TBC1D30: variants seen among roughly 807,000 people sequenced by gnomAD.
TBC1D30 encodes the protein TBC1 domain family member 30, also known as TBC1 domain family, member 30.
TBC1D30 carries 31 observed loss-of-function variants against 63.2 expected under a neutral mutation model. The observed-to-expected ratio is 0.49, with a 90% CI of 0.37 to 0.66. The LOEUF is 0.66. Ranked by LOEUF, TBC1D30 falls within the 30% of genes least tolerant of loss-of-function variation. The probability of loss-of-function intolerance (pLI) is 0.00; values close to 1 mark genes in which losing one functional copy is unlikely to be tolerated. For synonymous variants in TBC1D30, 307 were observed against 361.5 expected (o/e 0.85, Z 1.71); for missense variants, 810 against 953.6 (o/e 0.85, Z 1.98).
At chr12:64,805,205 G>C (rs1244433481) in intron 2 of TBC1D30, among the ~76,000 whole-genome samples, 1 of 151,986 alleles carries the variant, frequency 6.6e-6, no homozygotes, top group Non-Finnish European at 1.5e-5. Context: ...CCTTCATTCA[G>C]AAGACTTTAA....
rs552416081 is a variant in TBC1D30 at position 64,797,028 on chromosome 12, C to CAA, written c.643+11007_643+11008dup. Among the ~76,000 whole-genome samples the CAA allele has an allele frequency of 3.3e-3, 250 of 75,086 alleles. 5 individuals carry two copies. The highest frequency in any genetic ancestry group is 0.012 in the Middle Eastern group (1 of 86). 49.3% of individuals were successfully genotyped at this position (75,086 alleles called of 152,430 possible). ...TATCTTCAAGTATCATTCTCCTCTG[C>CAA]AAAAAAAAAAAAAAAAAAAAAAAAA... On this transcript the variant is annotated intron_variant, in intron 2 of 12. Transcript: ENST00000542120.
At chr12:64,792,949 C>G in intron 2 of TBC1D30, among the ~76,000 whole-genome samples, 1 of 152,094 alleles carries the variant, frequency 6.6e-6, no homozygotes, top group South Asian at 2.1e-4. Flanking sequence ...CTCAGCAAGG[C>G]CTTTCCATGC....
In TBC1D30 at chr12:64,871,880, C is replaced by G. The variant is rs753010709; in HGVS notation, c.1498+1072C>G. Among the ~76,000 whole-genome samples, 42 of 152,296 alleles carry G rather than the reference C, an allele frequency of 2.8e-4. 1 individual carries two copies. The highest frequency in any genetic ancestry group is 2.6e-4 in the Admixed American group (4 of 15,310). On this transcript the variant is annotated intron_variant, in intron 11 of 11. Transcript: ENST00000539867. Reference sequence around the variant, plus strand: ...GATTCTTTGTACAGTCCCTTTTTAACTACACTGTACAAGTCTTTGGGTGTG... The same window carrying G: ...GATTCTTTGTACAGTCCCTTTTTAAGTACACTGTACAAGTCTTTGGGTGTG...
intron 1 of TBC1D30, among the ~76,000 whole-genome samples, chr12:64,763,247 G>A (rs2136267408): frequency 6.6e-6 from 1 of 152,212 alleles, no homozygotes; most frequent in East Asian, 1.9e-4. Context: ...TGAGTTTTAT[G>A]TTATCTTCCT....
In TBC1D30 at chr12:64,796,259, A is replaced by C. The variant is rs192572915; in HGVS notation, c.643+10214A>C. ...GTCACGGTAATTGGGAGCTACTAGA[A>C]ATTTTTAAAAAATGATCTCCATTTA... On this transcript the variant is annotated intron_variant, in intron 2 of 12. Transcript: ENST00000542120. Among the ~76,000 whole-genome samples the C allele has an allele frequency of 5.3e-5, 8 of 152,188 alleles. No individual in the cohort carries two copies. In the East Asian group the frequency reaches 1.4e-3, roughly 26 times the overall value.
At chr12:64,790,443 A>G (rs1471608825) in intron 2 of TBC1D30, among the ~76,000 whole-genome samples, 2 of 152,202 alleles carry the variant, frequency 1.3e-5, no homozygotes, top group African/African-American at 4.8e-5. Flanking sequence ...AGCATTGTAT[A>G]GTTTTGCTAT....
chr12:64,805,292 A>T (rs1168317730), intron 2 of TBC1D30, among the ~76,000 whole-genome samples: 1 of 152,214 alleles, frequency 6.6e-6, no homozygotes, highest in Non-Finnish European at 1.5e-5. Context: ...CTATAAAAAG[A>T]CACAGGCTTT....
chr12:64,816,073 C>A (rs1011112115), intron 2 of TBC1D30, among the ~76,000 whole-genome samples: 27 of 150,826 alleles, frequency 1.8e-4, no homozygotes, highest in African/African-American at 6.1e-4. Flanking sequence ...CGCTCTGTTG[C>A]CCAGGCTGGA....
At chr12:64,831,802 C>T (rs145322612) in intron 4 of TBC1D30, among the ~76,000 whole-genome samples, 20 of 152,086 alleles carry the variant, frequency 1.3e-4, no homozygotes, top group Non-Finnish European at 2.6e-4. Flanking sequence ...ATTATTAAAA[C>T]AATCAATTTA....
At chr12:64,769,158 A>G (rs1870815591) in intron 1 of TBC1D30, among the ~76,000 whole-genome samples, 1 of 151,764 alleles carries the variant, frequency 6.6e-6, no homozygotes, top group Non-Finnish European at 1.5e-5. Flanking sequence ...ACCCTGTCTA[A>G]AAAAAAATTA....
At chr12:64,765,766 TGG>T in intron 1 of TBC1D30, among the ~76,000 whole-genome samples, 1 of 141,524 alleles carries the variant, frequency 7.1e-6, no homozygotes, top group African/African-American at 2.7e-5. Context: ...GAGGCCTAGG[TGG>T]GCAGATGGCT....
chr12:64,802,086 G>A (rs1872608259), intron 2 of TBC1D30, among the ~76,000 whole-genome samples: 1 of 152,206 alleles, frequency 6.6e-6, no homozygotes, highest in African/African-American at 2.4e-5. Flanking sequence ...TTGACACTGT[G>A]TGTTGGAAAA....
intron 2 of TBC1D30, among the ~76,000 whole-genome samples, chr12:64,803,246 A>T (rs1362323505): frequency 1.3e-5 from 2 of 152,250 alleles, no homozygotes; most frequent in African/African-American, 4.8e-5. Flanking sequence ...TATGATGGCT[A>T]GCGATGATGA....
At chr12:64,834,707 CTTTTTTTTTTTT>C (rs11374555) in intron 5 of TBC1D30, among the ~76,000 whole-genome samples, 5 of 76,320 alleles carry the variant, frequency 6.6e-5, no homozygotes, top group Non-Finnish European at 1.0e-4. Flanking sequence ...CCGTGCCGGG[CTTTTTTTTTTTT>C]TTTTTTTTTT....
In TBC1D30 at chr12:64,858,927, T is replaced by C. The variant is rs577264016; in HGVS notation, c.1039-5741T>C. On this transcript the variant is annotated intron_variant, in intron 8 of 11. Coordinates refer to ENST00000539867, the MANE Select transcript of TBC1D30 (RefSeq NM_015279.2). ...CCTCATCTAGCCTGAGGGGCAGGGG[T>C]GGAGTGAGTTGGAGGAGAGGAATTT... Among the ~76,000 whole-genome samples, 15 of 151,170 alleles carry C rather than the reference T, an allele frequency of 9.9e-5. No individual in the cohort carries two copies. In the East Asian group the frequency reaches 2.3e-3, roughly 24 times the overall value.
At position 64,876,899 on chromosome 12, in the gene TBC1D30, G is replaced by A. The variant is rs1592672999; in HGVS notation, c.*1111G>A. The A allele has an allele frequency of 2.2e-6, 1 of 456,082 alleles. No individual in the cohort carries two copies. Among genetic ancestry groups the A allele is most frequent in the Middle Eastern group, 3.3e-4 (1 of 3,070 alleles). 28.3% of individuals were successfully genotyped at this position (456,082 alleles called of 1,614,324 possible). A position where few individuals can be genotyped will look rare whatever the true frequency, so the allele number is the denominator to read the frequency against. ...TCCACTATGCAGATGGGAACTCTGA[G>A]CCACACAGAGGTGAAGTAGCACTTC... On this transcript the variant is annotated 3_prime_UTR_variant, in exon 12 of 12. Coordinates refer to ENST00000539867, the MANE Select transcript of TBC1D30 (RefSeq NM_015279.2).
At chr12:64,781,143 G>A in exon 1 of TBC1D30, 7 of 1,009,092 alleles carry the variant, frequency 6.9e-6, no homozygotes, top group Non-Finnish European at 8.3e-6. Flanking sequence ...CGGCGGCGCC[G>A]CGACAGCCTC....
chr12:64,798,203 C>T (rs1872391172), intron 2 of TBC1D30, among the ~76,000 whole-genome samples: 1 of 152,180 alleles, frequency 6.6e-6, no homozygotes, highest in Non-Finnish European at 1.5e-5. Flanking sequence ...GAAAAATATA[C>T]AGTATCCTCA....
intron 7 of TBC1D30, among the ~76,000 whole-genome samples, chr12:64,839,990 G>A (rs1357699661): frequency 3.1e-5 from 3 of 97,516 alleles, no homozygotes; most frequent in Non-Finnish European, 5.2e-5. Flanking sequence ...GGACGACAGA[G>A]CAAGACTCTG....
Sources: gnomAD v4.1 joint callset for allele counts (sites outside exome capture counted in the v4.1 genomes callset) on GRCh38, gnomAD v4.1.1 for gene constraint, MANE v1.5 for transcripts, NCBI Gene and HGNC (gene_info 2026-07-23, HGNC 2026-07-21) for gene names.